Variants in ZNF462 observed in about 807,000 individuals in gnomAD.
ZNF462 encodes zinc finger protein 462.
A neutral mutation model predicts 201.9 loss-of-function variants in ZNF462; 10 were observed. The ratio of observed to expected loss-of-function variants is 0.05; its 90% CI spans 0.03 to 0.08. The LOEUF (loss-of-function observed/expected upper bound fraction) is 0.08, where lower values mean the gene tolerates loss of function less well. ZNF462 is among the 10% of genes least tolerant of loss of function. The pLI, the probability that ZNF462 is intolerant of heterozygous loss-of-function variation, is 1.00. For missense variants in ZNF462, 2,523 were observed against 3,168.3 expected (o/e 0.80, Z 4.89); for synonymous variants, 1,227 against 1,193.3 (o/e 1.03, Z -0.58).
At chr9:106,948,553 C>T (rs1333252228) in intron 7 of ZNF462, among the ~76,000 whole-genome samples, 1 of 152,054 alleles carries the variant, frequency 6.6e-6, no homozygotes, top group Non-Finnish European at 1.5e-5. Flanking sequence ...TAAGGGTCAC[C>T]CATCATGCCA....
rs760939293 is a variant in ZNF462 at position 106,926,716 on chromosome 9, C to A, written c.2804C>A (p.Pro935Gln). The A allele has an allele frequency of 6.2e-7, 1 of 1,614,034 alleles. No individual in the cohort carries two copies. Among genetic ancestry groups the A allele is most frequent in the East Asian group, 2.2e-5 (1 of 44,868 alleles). ...YRCRFCSYTS[P>Q]NVRSLMPHYQ... ...TGTCGGTTTTGTTCATACACGAGCC[C>A]GAATGTTAGAAGCCTGATGCCACAT... Residue 935 changes from proline (P) to glutamine (Q), a missense_variant, in exon 3 of 13, where the codon CCG (proline) becomes CAG (glutamine). This residue lies in a region of ZNF462 where 280 missense variants were observed against 321.3 expected (regional missense o/e 0.87). Transcript: ENST00000277225. The surrounding 1 kb of genome is among the most constrained non-coding windows in gnomAD (Gnocchi z 7.9).
In ZNF462 at chr9:106,905,815, C is replaced by T. The variant is rs982296086; in HGVS notation, c.-30-17539C>T. ...GGGCTTGAAAATTTCTCTGAGGCTA[C>T]GCACCTCCCAGCTGCGAGAAAAAAG... is the stretch of plus-strand genomic sequence containing the variant. On this transcript the variant is annotated intron_variant, in intron 1 of 12. Transcript: ENST00000277225. The surrounding 1 kb of genome is among the most constrained non-coding windows in gnomAD (Gnocchi z 5.9). 1.4e-4 allele frequency among the ~76,000 whole-genome samples: 22 copies of T among 152,204 alleles called. No homozygotes were observed. Among genetic ancestry groups the T allele is most frequent in the Non-Finnish European group, 2.5e-4 (17 of 68,044 alleles).
At chr9:106,875,917 T>C (rs9299130) in intron 1 of ZNF462, among the ~76,000 whole-genome samples, 30,182 of 152,238 alleles carry the variant, frequency 0.2, 3,000 homozygotes, top group South Asian at 0.28. Flanking sequence ...TATATGTATA[T>C]GTATGTATAT....
At position 106,990,808 on chromosome 9, in the gene ZNF462, T is replaced by A. The variant is rs558853783; in HGVS notation, c.7056+6399T>A. Among the ~76,000 whole-genome samples, 113 of 152,130 alleles carry A rather than the reference T, an allele frequency of 7.4e-4. 1 individual carries two copies. Among genetic ancestry groups the A allele is most frequent in the Non-Finnish European group, 1.2e-3 (79 of 67,916 alleles). ...CATTTTCTAATCTTTTTTCCCTACA[T>A]GATGAGTACAAAATGCAATTTGAAT... On this transcript the variant is annotated intron_variant, in intron 10 of 12. Coordinates refer to ENST00000277225, the MANE Select transcript of ZNF462 (RefSeq NM_021224.6).
chr9:106,907,153 C>T (rs1466663344), intron 1 of ZNF462, among the ~76,000 whole-genome samples: 1 of 152,072 alleles, frequency 6.6e-6, no homozygotes, highest in Non-Finnish European at 1.5e-5. Context: ...CCTACTTGAT[C>T]TTGGAGGGAT....
intron 8 of ZNF462, among the ~76,000 whole-genome samples, chr9:106,973,428 T>C (rs1826743752): frequency 6.6e-6 from 1 of 152,134 alleles, no homozygotes; most frequent in Admixed American, 6.5e-5. Flanking sequence ...ATAAATACAT[T>C]TGTGATTTGG....
intron 1 of ZNF462, among the ~76,000 whole-genome samples, chr9:106,892,291 G>T (rs1828612702): frequency 6.6e-6 from 1 of 152,080 alleles, no homozygotes; most frequent in Non-Finnish European, 1.5e-5. Context: ...TCCATTTAAC[G>T]AAAGTGCAAC....
chr9:106,943,057 C>T (rs12349575), intron 7 of ZNF462, among the ~76,000 whole-genome samples: 6,986 of 136,738 alleles, frequency 0.051, 475 homozygotes, highest in African/African-American at 0.17. Flanking sequence ...GTTTTGCGCG[C>T]GCGTGTGTGT....
intron 10 of ZNF462, among the ~76,000 whole-genome samples, chr9:106,987,572 A>G (rs767680899): frequency 6.6e-6 from 1 of 151,964 alleles, no homozygotes; most frequent in Non-Finnish European, 1.5e-5. Context: ...GTCCTTTGTC[A>G]GTTGTATAGA....
intron 7 of ZNF462, among the ~76,000 whole-genome samples, chr9:106,949,249 C>T (rs1010583000): frequency 1.1e-4 from 17 of 152,162 alleles, no homozygotes; most frequent in South Asian, 4.1e-4. Flanking sequence ...GTGTGCTCTC[C>T]GAGGTCAGGG....
rs1393325238 is a variant in ZNF462, at chr9:106,919,416, G to A, written c.-30-3938G>A. Among the ~76,000 whole-genome samples the A allele has an allele frequency of 6.6e-6, 1 of 152,242 alleles. No homozygotes were observed. The highest frequency in any genetic ancestry group is 2.4e-5 in the African/African-American group (1 of 41,462). ...ATCTCTGGAATTCTGAGCACAGAAA[G>A]TAGGTGGGCAGGTGGTATAAATTAA... is the stretch of plus-strand genomic sequence containing the variant. On this transcript the variant is annotated intron_variant, in intron 1 of 12. Transcript: ENST00000277225. This position sits in a 1 kb window ranked among gnomAD's most constrained non-coding sequence, Gnocchi z 4.5.
chr9:106,949,239 G>C (rs1445091840), intron 7 of ZNF462, among the ~76,000 whole-genome samples: 1 of 152,148 alleles, frequency 6.6e-6, no homozygotes, highest in African/African-American at 2.4e-5. Context: ...CAGCTAAACT[G>C]TGTGCTCTCC....
In ZNF462 at chr9:106,924,725, G is replaced by T; in HGVS notation, c.813G>T (p.Lys271Asn). 6.2e-7 allele frequency: 1 copy of T among 1,614,088 alleles called. No homozygotes were observed. The highest frequency in any genetic ancestry group is 8.5e-7 in the Non-Finnish European group (1 of 1,180,014). Residue 271 changes from lysine to asparagine, a missense_variant, in exon 3 of 13, where the codon AAG becomes AAT. Around this residue, in one of 15 missense-constraint regions of ZNF462, gnomAD observed 480 missense variants for 544.4 expected, o/e 0.88. Coordinates refer to ENST00000277225, the MANE Select transcript of ZNF462 (RefSeq NM_021224.6). The surrounding 1 kb of genome is among the most constrained non-coding windows in gnomAD (Gnocchi z 6.2). ...HMMKKHRSMV[K>N]ILSSLRQQQE... Reference sequence around the variant, plus strand: ...TGAAGAAACACCGCAGTATGGTCAAGATCCTTTCCAGTCTCAGACAGCAAC... The same window carrying T: ...TGAAGAAACACCGCAGTATGGTCAATATCCTTTCCAGTCTCAGACAGCAAC...
chr9:106,908,906 T>TATAC (rs1194323626), intron 1 of ZNF462, among the ~76,000 whole-genome samples: 5 of 76,778 alleles, frequency 6.5e-5, no homozygotes, highest in East Asian at 3.2e-4. Flanking sequence ...TTTGCCCATA[T>TATAC]ATACATATAT....
intron 7 of ZNF462, among the ~76,000 whole-genome samples, chr9:106,957,442 T>C (rs1472204249): frequency 6.6e-6 from 1 of 152,148 alleles, no homozygotes; most frequent in East Asian, 1.9e-4. Flanking sequence ...ATTTGAAATA[T>C]TACAGAATAT....
chr9:106,944,296 A>G lies in ZNF462; in HGVS notation c.6427+5189A>G, dbSNP rs1418485314. ...ATAAACTGACCAACAAAACTTGTCAATGAGTAGAGCTTTCTATTCTACCTG... is the reference window on the plus strand; with the variant it reads ...ATAAACTGACCAACAAAACTTGTCAGTGAGTAGAGCTTTCTATTCTACCTG... On this transcript the variant is annotated intron_variant, in intron 7 of 12. Transcript: ENST00000277225. Among the ~76,000 whole-genome samples the G allele has an allele frequency of 2.6e-5, 4 of 152,214 alleles. No homozygotes were observed. The East Asian group carries it at 7.7e-4, about 29-fold the overall frequency.
intron 1 of ZNF462, among the ~76,000 whole-genome samples, chr9:106,907,562 G>A (rs1324696505): frequency 6.6e-6 from 1 of 151,818 alleles, no homozygotes; most frequent in African/African-American, 2.4e-5. Flanking sequence ...TTTGGATAGT[G>A]TCTACTTCTT....
intron 10 of ZNF462, among the ~76,000 whole-genome samples, chr9:106,995,219 T>C (rs1274616921): frequency 6.6e-6 from 1 of 152,082 alleles, no homozygotes; most frequent in Non-Finnish European, 1.5e-5. Context: ...TGTCTGGACT[T>C]TTGCTAAGTT....
At chr9:106,976,465 C>T (rs1044779473) in intron 9 of ZNF462, 3 of 152,162 alleles carry the variant, frequency 2.0e-5, no homozygotes, top group African/African-American at 4.8e-5. Context: ...ATCATAAATA[C>T]AATAGTAAGT....
Sources: allele counts gnomAD v4.1 joint callset (sites outside exome capture counted in the v4.1 genomes callset), GRCh38; gene constraint gnomAD v4.1.1; regional missense constraint gnomAD v4.1.1; non-coding constraint Gnocchi (gnomAD v3.1); transcripts MANE v1.5; gene names NCBI Gene and HGNC (gene_info 2026-07-23, HGNC 2026-07-21).